PACRG: variants seen among roughly 807,000 people sequenced by gnomAD.
The protein encoded by PACRG is parkin coregulated.
Under a neutral mutation model 29.7 loss-of-function variants are expected in PACRG, and 29 were observed. The ratio of observed to expected loss-of-function variants is 0.98; its 90% CI spans 0.73 to 1.33. The LOEUF (loss-of-function observed/expected upper bound fraction) is 1.33. Ranked by LOEUF, PACRG falls within the 40% of genes most tolerant of loss-of-function variation. The probability of loss-of-function intolerance (pLI) is 0.00; values close to 1 mark genes in which losing one functional copy is unlikely to be tolerated. For synonymous variants in PACRG, 116 were observed against 118.7 expected, an observed-to-expected ratio of 0.98 and a Z score of 0.15; for missense variants, 279 against 316.2, an observed-to-expected ratio of 0.88 and a Z score of 0.89.
At chr6:163,236,991 A>T (rs1782266273) in intron 4 of PACRG, among the ~76,000 whole-genome samples, 1 of 152,158 alleles carries the variant, frequency 6.6e-6, no homozygotes, top group Non-Finnish European at 1.5e-5. Context: ...TGAGAACAGC[A>T]AGGGGAAAGT....
chr6:163,105,250 A>G (rs1178304446), intron 4 of PACRG, among the ~76,000 whole-genome samples: 1 of 152,198 alleles, frequency 6.6e-6, no homozygotes, highest in Non-Finnish European at 1.5e-5. Flanking sequence ...TGCATAATGT[A>G]CCAAGCACAC....
intron 4 of PACRG, among the ~76,000 whole-genome samples, chr6:163,218,776 G>A (rs1781465245): frequency 6.6e-6 from 1 of 152,188 alleles, no homozygotes; most frequent in Non-Finnish European, 1.5e-5. Context: ...CAGGGCTCGG[G>A]CTACCCTCTT....
At chr6:163,106,662 G>A (rs1815397849) in intron 4 of PACRG, among the ~76,000 whole-genome samples, 1 of 152,170 alleles carries the variant, frequency 6.6e-6, no homozygotes, top group African/African-American at 2.4e-5. Context: ...AATAGAGTAT[G>A]CGTAGATTTT....
chr6:162,729,004 G>C (rs1384892863), intron 1 of PACRG, among the ~76,000 whole-genome samples: 1 of 152,004 alleles, frequency 6.6e-6, no homozygotes, highest in Non-Finnish European at 1.5e-5. Context: ...ACAAGCTTTA[G>C]CTCATATATC....
In PACRG at chr6:162,728,277, A is replaced by G. The variant is rs751500285; in HGVS notation, c.42A>G (p.Pro14=). 1 of 1,614,092 alleles carries G rather than the reference A, an allele frequency of 6.2e-7. No individual in the cohort carries two copies. The highest frequency in any genetic ancestry group is 8.5e-7 in the Non-Finnish European group (1 of 1,180,034). Residue 14 remains proline, a synonymous_variant, in exon 1 of 5, where the codon CCA becomes CCG. Transcript: ENST00000366888. ...EKETLSLNKC[P]DKMPKRTKLL... The stretch of plus-strand genomic sequence containing the variant: ...AGACCCTGAGCTTAAACAAATGCCC[A>G]GACAAGATGCCGAAGAGGACCAAGC...
chr6:162,813,110 G>A (rs1787021196), intron 1 of PACRG, among the ~76,000 whole-genome samples: 1 of 151,508 alleles, frequency 6.6e-6, no homozygotes, highest in Non-Finnish European at 1.5e-5. Context: ...TATGTGTATT[G>A]TATGTTTATT....
At chr6:162,994,502 T>C (rs1389369034) in intron 2 of PACRG, among the ~76,000 whole-genome samples, 1 of 151,906 alleles carries the variant, frequency 6.6e-6, no homozygotes, top group African/African-American at 2.4e-5. Context: ...TCATCTTCCA[T>C]TGCTGATACC....
Position 163,241,523 on chromosome 6 carries a change from G to A in PACRG, c.614-73304G>A, listed in dbSNP as rs149517412. On this transcript the variant is annotated intron_variant, in intron 4 of 4. Transcript: ENST00000366888. ...CTCATACCCTGCACTGTTTTTACAC[G>A]ATACATGCCTGGGGACCAGGGTTTT... is the stretch of plus-strand genomic sequence containing the variant. Among the ~76,000 whole-genome samples the A allele has an allele frequency of 2.7e-3, 409 of 152,234 alleles. 4 individuals are homozygous for A. The highest frequency in any genetic ancestry group is 9.3e-3 in the African/African-American group (388 of 41,536).
intron 2 of PACRG, among the ~76,000 whole-genome samples, chr6:162,848,453 T>G (rs1307982141): frequency 6.6e-6 from 1 of 152,228 alleles, no homozygotes; most frequent in Admixed American, 6.5e-5. Context: ...ACACTCCTTC[T>G]AGATGAACAG....
Position 162,814,182 on chromosome 6 carries a change from A to G in PACRG, c.192A>G (p.Glu64=), listed in dbSNP as rs1787126624. Residue 64 remains glutamate, a synonymous_variant, in exon 2 of 5, where the codon GAA becomes GAG. Coordinates refer to ENST00000366888, the MANE Select transcript of PACRG (RefSeq NM_001080379.2). The part of the protein sequence containing the change: ...RGPPAAGAFK[E]RPTKPTAFRK... ...CTCCAGCTGCAGGGGCATTTAAAGAAAGACCAACCAAGCCCACAGCATTTC... is the reference window on the plus strand; with the variant it reads ...CTCCAGCTGCAGGGGCATTTAAAGAGAGACCAACCAAGCCCACAGCATTTC... 2 of 1,613,608 alleles carry G rather than the reference A, an allele frequency of 1.2e-6. No homozygotes were observed. The highest frequency in any genetic ancestry group is 1.7e-6 in the Non-Finnish European group (2 of 1,179,624).
intron 1 of PACRG, among the ~76,000 whole-genome samples, chr6:162,812,879 G>A (rs999163328): frequency 1.6e-4 from 24 of 152,062 alleles, no homozygotes; most frequent in Middle Eastern, 3.4e-3. Context: ...CTTCCTACTG[G>A]TAATACCCAA....
chr6:163,291,472 C>T (rs1784608211), intron 4 of PACRG, among the ~76,000 whole-genome samples: 1 of 152,242 alleles, frequency 6.6e-6, no homozygotes, highest in Admixed American at 6.5e-5. Context: ...AGCTGGCCTG[C>T]GGGGCATCTG....
chr6:163,203,361 C>A (rs539595140), intron 4 of PACRG, among the ~76,000 whole-genome samples: 1 of 152,066 alleles, frequency 6.6e-6, no homozygotes, highest in South Asian at 2.1e-4. Flanking sequence ...TGCAGTGAGC[C>A]GAGATTGCGC....
At chr6:162,799,937 G>T (rs930142821) in intron 1 of PACRG, among the ~76,000 whole-genome samples, 1 of 152,172 alleles carries the variant, frequency 6.6e-6, no homozygotes, top group African/African-American at 2.4e-5. Context: ...TATTAGGAGA[G>T]TAGAATATAT....
intron 1 of PACRG, among the ~76,000 whole-genome samples, chr6:162,748,391 G>T (rs1781256470): frequency 6.6e-6 from 1 of 152,150 alleles, no homozygotes; most frequent in African/African-American, 2.4e-5. Flanking sequence ...TACTCGGGAG[G>T]CTGAGGCATG....
chr6:163,057,034 A>T (rs1000837730), intron 2 of PACRG, among the ~76,000 whole-genome samples: 1 of 152,178 alleles, frequency 6.6e-6, no homozygotes, highest in South Asian at 2.1e-4. Context: ...CAGGAGTAAA[A>T]CAGCGTGAGA....
chr6:163,296,586 G>A (rs1436489204), intron 4 of PACRG, among the ~76,000 whole-genome samples: 3 of 152,194 alleles, frequency 2.0e-5, no homozygotes, highest in African/African-American at 7.2e-5. Flanking sequence ...GTGAGCCACT[G>A]CGCCCAGCCC....
chr6:163,173,108 T>A (rs187310702), intron 4 of PACRG, among the ~76,000 whole-genome samples: 2 of 152,334 alleles, frequency 1.3e-5, no homozygotes, highest in Admixed American at 1.3e-4. Context: ...CTTGTGTGAA[T>A]ACACACACGT....
chr6:163,056,027 T>C (rs1382055506), intron 2 of PACRG, among the ~76,000 whole-genome samples: 1 of 152,238 alleles, frequency 6.6e-6, no homozygotes, highest in Non-Finnish European at 1.5e-5. Flanking sequence ...CACATCCTAC[T>C]TGTTAGGAAA....
Sources: allele counts gnomAD v4.1 joint callset (sites outside exome capture counted in the v4.1 genomes callset), GRCh38; gene constraint gnomAD v4.1.1; transcripts MANE v1.5; gene names NCBI Gene and HGNC (gene_info 2026-07-23, HGNC 2026-07-21).